Variants in SLC35D4 observed in about 807,000 individuals in gnomAD.
SLC35D4 encodes the protein UDP-N-acetylglucosamine transporter SLC35D4.
At chr18:23,267,588 G>A in the SLC35D4 span, among the ~76,000 whole-genome samples, 6 of 152,010 alleles carry the variant, frequency 3.9e-5, no homozygotes, top group South Asian at 2.1e-4. Flanking sequence ...ATGGCTCTCC[G>A]GCTGCCCACT....
the SLC35D4 span, among the ~76,000 whole-genome samples, chr18:23,314,101 C>T: frequency 6.6e-6 from 1 of 152,222 alleles, no homozygotes; most frequent in Non-Finnish European, 1.5e-5. Context: ...GCGGACACTA[C>T]ACACAGCACC....
chr18:23,255,914 T>C, the SLC35D4 span, among the ~76,000 whole-genome samples: 1 of 152,138 alleles, frequency 6.6e-6, no homozygotes, highest in South Asian at 2.1e-4. Flanking sequence ...ATAAATAATA[T>C]GCACATTTAA....
the SLC35D4 span, among the ~76,000 whole-genome samples, chr18:23,386,124 C>CAAAAAAAAAA: frequency 9.7e-5 from 4 of 41,066 alleles, no homozygotes; most frequent in Non-Finnish European, 1.5e-4. Flanking sequence ...GACTCTGTCT[C>CAAAAAAAAAA]AAAAAAAAAA....
the SLC35D4 span, among the ~76,000 whole-genome samples, chr18:23,294,234 C>T: frequency 1.3e-5 from 2 of 152,038 alleles, no homozygotes; most frequent in African/African-American, 4.8e-5. Context: ...TGACTGAGGT[C>T]CAGCAAGGAT....
the SLC35D4 span, among the ~76,000 whole-genome samples, chr18:23,305,484 A>G: frequency 6.6e-6 from 1 of 152,238 alleles, no homozygotes; most frequent in Non-Finnish European, 1.5e-5. Context: ...GAAAATAAGC[A>G]TCTCTGGACC....
the SLC35D4 span, among the ~76,000 whole-genome samples, chr18:23,429,033 C>T: frequency 2.8e-4 from 42 of 152,294 alleles, no homozygotes; most frequent in South Asian, 4.1e-4. Context: ...CTCTTTTTTA[C>T]GGCTGCATAG....
the SLC35D4 span, chr18:23,258,837 T>TGACA: frequency 1.3e-5 from 2 of 152,098 alleles, no homozygotes; most frequent in African/African-American, 4.8e-5. Context: ...GTCAGATTCT[T>TGACA]GACAGTCTTG....
chr18:23,293,982 C>T, the SLC35D4 span, among the ~76,000 whole-genome samples: 1 of 151,736 alleles, frequency 6.6e-6, no homozygotes, highest in Non-Finnish European at 1.5e-5. Flanking sequence ...ATTTTTGTAG[C>T]GATGGAGGTT....
At chr18:23,314,460 T>TGG in the SLC35D4 span, among the ~76,000 whole-genome samples, 5 of 151,786 alleles carry the variant, frequency 3.3e-5, no homozygotes, top group South Asian at 1.0e-3. Flanking sequence ...GTGCTTACCC[T>TGG]GGGGGGGGCT....
the SLC35D4 span, among the ~76,000 whole-genome samples, chr18:23,310,901 C>G: frequency 6.6e-6 from 1 of 151,988 alleles, no homozygotes; most frequent in Admixed American, 6.6e-5. Flanking sequence ...TAGCAAAAAC[C>G]TTGATTACAA....
At chr18:23,371,725 C>T in the SLC35D4 span, among the ~76,000 whole-genome samples, 1 of 151,806 alleles carries the variant, frequency 6.6e-6, no homozygotes, top group African/African-American at 2.4e-5. Flanking sequence ...AAACTCATGA[C>T]ACCCCAAGAC....
At chr18:23,392,564 T>C in the SLC35D4 span, among the ~76,000 whole-genome samples, 1 of 152,150 alleles carries the variant, frequency 6.6e-6, no homozygotes, top group South Asian at 2.1e-4. Context: ...CTGCCTGGTG[T>C]GTAAGGGCCT....
At chr18:23,302,081 T>C in the SLC35D4 span, among the ~76,000 whole-genome samples, 1 of 152,316 alleles carries the variant, frequency 6.6e-6, no homozygotes, top group East Asian at 1.9e-4. Flanking sequence ...GGCCTAGAGA[T>C]GCAAAGGTGA....
chr18:23,288,987 T>G, the SLC35D4 span, among the ~76,000 whole-genome samples: 5 of 152,202 alleles, frequency 3.3e-5, no homozygotes, highest in Non-Finnish European at 7.3e-5. Context: ...TGCTACAAGG[T>G]ACAGCCCATT....
chr18:23,263,805 C>T, the SLC35D4 span, among the ~76,000 whole-genome samples: 4 of 152,324 alleles, frequency 2.6e-5, no homozygotes, highest in East Asian at 7.7e-4. Context: ...TCAGGGATTA[C>T]GAGCTGTCTG....
At chr18:23,383,251 T>C in the SLC35D4 span, among the ~76,000 whole-genome samples, 1 of 151,770 alleles carries the variant, frequency 6.6e-6, no homozygotes. Context: ...GATGAGATTT[T>C]CCAGAAAGTA....
chr18:23,308,831 C>G, the SLC35D4 span, among the ~76,000 whole-genome samples: 1 of 150,636 alleles, frequency 6.6e-6, no homozygotes, highest in South Asian at 2.1e-4. Flanking sequence ...GAAAGACACC[C>G]AAACACAGCA....
chr18:23,249,189 T>C, the SLC35D4 span, among the ~76,000 whole-genome samples: 6 of 152,168 alleles, frequency 3.9e-5, no homozygotes, highest in African/African-American at 1.4e-4. Flanking sequence ...GAGCATCCAA[T>C]AGGAGGAGCC....
At chr18:23,376,676 C>A in the SLC35D4 span, 1 of 423,138 alleles carries the variant, frequency 2.4e-6, no homozygotes, top group South Asian at 1.7e-5. Context: ...CAGTGAAAGG[C>A]TTTATAGAAT....
Sources: allele counts gnomAD v4.1 joint callset (sites outside exome capture counted in the v4.1 genomes callset), GRCh38; gene constraint gnomAD v4.1.1; transcripts MANE v1.5; gene names NCBI Gene and HGNC (gene_info 2026-07-23, HGNC 2026-07-21).